The following KCNMA1 variants were observed in gnomAD, a reference collection of about 807,000 sequenced individuals.
KCNMA1 encodes the protein Calcium-activated potassium channel subunit alpha-1.
KCNMA1 carries 29 observed loss-of-function variants against 140.0 expected under a neutral mutation model. That is an observed-to-expected ratio of 0.21 (90% CI 0.15 to 0.28). KCNMA1 has a LOEUF of 0.28. Ranked by LOEUF, KCNMA1 falls within the 10% of genes least tolerant of loss-of-function variation. The probability of loss-of-function intolerance (pLI) is 1.00; values close to 1 mark genes in which losing one functional copy is unlikely to be tolerated. For missense variants in KCNMA1, 880 were observed against 1,602.2 expected (o/e 0.55, Z 7.70); for synonymous variants, 612 against 611.9 (o/e 1.00, Z 0.00).
chr10:77,073,851 CCTAAAA>C (rs2096294534), intron 13 of KCNMA1, among the ~76,000 whole-genome samples: 1 of 152,154 alleles, frequency 6.6e-6, no homozygotes, highest in Non-Finnish European at 1.5e-5. Context: ...GAACCACTGG[CCTAAAA>C]CATCAGGTAA....
intron 16 of KCNMA1, among the ~76,000 whole-genome samples, chr10:77,023,843 C>T (rs1441180913): frequency 6.6e-6 from 1 of 152,106 alleles, no homozygotes; most frequent in African/African-American, 2.4e-5. Flanking sequence ...ATTGGAGACA[C>T]AGTTGTGTAT....
intron 1 of KCNMA1, among the ~76,000 whole-genome samples, chr10:77,475,027 G>A (rs2098247150): frequency 6.6e-6 from 1 of 152,204 alleles, no homozygotes; most frequent in Non-Finnish European, 1.5e-5. Context: ...ACACAGAGGT[G>A]TGGGTGATGT....
At chr10:77,136,548 T>TG (rs1433316327) in intron 5 of KCNMA1, among the ~76,000 whole-genome samples, 5 of 151,210 alleles carry the variant, frequency 3.3e-5, no homozygotes, top group Non-Finnish European at 5.9e-5. Flanking sequence ...TTATGTTATG[T>TG]GTTTTTCACC....
chr10:77,038,961 C>A (rs1423061045), intron 15 of KCNMA1, among the ~76,000 whole-genome samples: 3 of 152,120 alleles, frequency 2.0e-5, no homozygotes, highest in African/African-American at 7.2e-5. Flanking sequence ...TCCTGCTGAG[C>A]CAGTGGAAAG....
chr10:77,085,975 G>C (rs2096681428), intron 11 of KCNMA1, among the ~76,000 whole-genome samples: 4 of 152,152 alleles, frequency 2.6e-5, no homozygotes, highest in Non-Finnish European at 5.9e-5. Flanking sequence ...AATGATATCA[G>C]ATAACTGCAT....
chr10:77,259,670 A>T (rs2061545963), intron 2 of KCNMA1, among the ~76,000 whole-genome samples: 1 of 152,152 alleles, frequency 6.6e-6, no homozygotes, highest in South Asian at 2.1e-4. Flanking sequence ...TCGCACAAGC[A>T]CTTTCCTCCT....
At chr10:77,443,145 C>A (rs1408867528) in intron 1 of KCNMA1, among the ~76,000 whole-genome samples, 1 of 152,170 alleles carries the variant, frequency 6.6e-6, no homozygotes, top group Non-Finnish European at 1.5e-5. Flanking sequence ...CATCATCCCA[C>A]GAGGGGCCAG....
chr10:76,885,029 G>A lies in KCNMA1; in HGVS notation c.*2237C>T. ...TCATCCTTGTTGCACTTTAGAGAGA[G>A]AAGTAAGCTATGTGAGTTTTACAAT... is the stretch of plus-strand genomic sequence containing the variant. On this transcript the variant is annotated 3_prime_UTR_variant, in exon 28 of 28. Coordinates refer to ENST00000286628, the MANE Select transcript of KCNMA1 (RefSeq NM_001161352.2). The A allele has an allele frequency of 6.5e-7, 1 of 1,547,980 alleles. No individual in the cohort carries two copies. Among genetic ancestry groups the A allele is most frequent in the Non-Finnish European group, 8.7e-7 (1 of 1,145,810 alleles).
At chr10:77,311,364 A>G (rs2079233259) in intron 2 of KCNMA1, among the ~76,000 whole-genome samples, 1 of 152,100 alleles carries the variant, frequency 6.6e-6, no homozygotes, top group Non-Finnish European at 1.5e-5. Context: ...CTCATACTAT[A>G]GGCTTGTTTC....
chr10:77,055,778 C>G (rs564836280), intron 14 of KCNMA1, among the ~76,000 whole-genome samples: 1 of 152,258 alleles, frequency 6.6e-6, no homozygotes, highest in South Asian at 2.1e-4. Flanking sequence ...CTCAGCAGCC[C>G]TTCCATCAAA....
chr10:77,633,996 C>G, intron 1 of KCNMA1: 1 of 256,860 alleles, frequency 3.9e-6, no homozygotes, highest in African/African-American at 2.3e-5. Context: ...CCTCATTCCT[C>G]AACTCCTCCC....
chr10:77,220,221 G>C (rs984688006), intron 3 of KCNMA1, among the ~76,000 whole-genome samples: 1 of 152,174 alleles, frequency 6.6e-6, no homozygotes, highest in African/African-American at 2.4e-5. Flanking sequence ...TGAGTAATTA[G>C]GCAGAACTTG....
intron 20 of KCNMA1, among the ~76,000 whole-genome samples, chr10:76,965,831 A>G (rs1907745): frequency 0.18 from 27,821 of 152,132 alleles, 2,785 homozygotes; most frequent in African/African-American, 0.25. Flanking sequence ...GTAAACCTAG[A>G]CAAGTAATAT....
intron 1 of KCNMA1, among the ~76,000 whole-genome samples, chr10:77,619,643 C>T (rs1214669244): frequency 6.6e-6 from 1 of 152,110 alleles, no homozygotes; most frequent in Non-Finnish European, 1.5e-5. Flanking sequence ...GGTCACTGCC[C>T]TCTAGGACCA....
rs1338056436 is a variant in KCNMA1 at position 76,977,634 on chromosome 10, C to T, written c.2267-7567G>A. 3 of 702,912 alleles carry T rather than the reference C, an allele frequency of 4.3e-6. No homozygotes were observed. In the South Asian group the frequency reaches 4.4e-5, roughly 10 times the overall value. 43.5% of individuals were successfully genotyped at this position (702,912 alleles called of 1,614,324 possible). On this transcript the variant is annotated intron_variant, in intron 19 of 27. Transcript: ENST00000286628. ...GTCTCCACAAAGAACAATGTTCTTC[C>T]CAACCTGCCAAGACAGCCAAATAAC...
At chr10:77,096,178 T>C (rs2096927244) in intron 9 of KCNMA1, among the ~76,000 whole-genome samples, 1 of 152,184 alleles carries the variant, frequency 6.6e-6, no homozygotes, top group Non-Finnish European at 1.5e-5. Flanking sequence ...CTCAGTTTCA[T>C]GCCTTCTGAT....
At chr10:77,291,016 A>G (rs1426019613) in intron 2 of KCNMA1, among the ~76,000 whole-genome samples, 1 of 152,182 alleles carries the variant, frequency 6.6e-6, no homozygotes, top group Admixed American at 6.5e-5. Flanking sequence ...ACCTAATGTC[A>G]TATTAGCAAT....
At chr10:77,381,594 G>A (rs969929522) in intron 2 of KCNMA1, among the ~76,000 whole-genome samples, 1 of 152,054 alleles carries the variant, frequency 6.6e-6, no homozygotes, top group African/African-American at 2.4e-5. Context: ...ATTAACACTA[G>A]AGCCTGTTGG....
intron 1 of KCNMA1, among the ~76,000 whole-genome samples, chr10:77,437,955 G>A (rs1283739461): frequency 2.0e-5 from 3 of 152,176 alleles, no homozygotes; most frequent in African/African-American, 4.8e-5. Context: ...TCACACACCC[G>A]GAGGCCAAGG....
Sources: allele counts gnomAD v4.1 joint callset (sites outside exome capture counted in the v4.1 genomes callset), GRCh38; gene constraint gnomAD v4.1.1; transcripts MANE v1.5; gene names NCBI Gene and HGNC (gene_info 2026-07-23, HGNC 2026-07-21).